HS3ST4: variants seen among roughly 807,000 people sequenced by gnomAD.
HS3ST4 encodes heparan sulfate glucosamine 3-O-sulfotransferase 4.
HS3ST4 carries 17 observed loss-of-function variants against 29.2 expected under a neutral mutation model. The ratio of observed to expected loss-of-function variants is 0.58; its 90% CI spans 0.40 to 0.87. HS3ST4 has a LOEUF of 0.87. Among genes scored for constraint, HS3ST4 ranks in the 40% least tolerant of loss-of-function variants. HS3ST4 has a pLI of 0.00. For synonymous variants in HS3ST4, 314 were observed against 285.7 expected, an observed-to-expected ratio of 1.10 and a Z score of -1.00; for missense variants, 627 against 634.5, an observed-to-expected ratio of 0.99 and a Z score of 0.13.
chr16:25,742,534 A>G (rs995769710), intron 1 of HS3ST4, among the ~76,000 whole-genome samples: 1 of 152,230 alleles, frequency 6.6e-6, no homozygotes, highest in African/African-American at 2.4e-5. Flanking sequence ...GGTAAACATG[A>G]CAGAGAAGCA....
chr16:26,015,955 T>A (rs1421212457), intron 1 of HS3ST4, among the ~76,000 whole-genome samples: 1 of 152,128 alleles, frequency 6.6e-6, no homozygotes, highest in Non-Finnish European at 1.5e-5. Flanking sequence ...TGGGGTGTGC[T>A]ACTGAAATCT....
At chr16:25,800,031 CTCCTTCCT>C (rs10559837) in intron 1 of HS3ST4, among the ~76,000 whole-genome samples, 3 of 149,572 alleles carry the variant, frequency 2.0e-5, no homozygotes, top group East Asian at 2.0e-4. Flanking sequence ...TTCTCTCCCT[CTCCTTCCT>C]TCCTTCCTTC....
chr16:25,979,072 T>C (rs1252711180), intron 1 of HS3ST4, among the ~76,000 whole-genome samples: 1 of 151,982 alleles, frequency 6.6e-6, no homozygotes, highest in Non-Finnish European at 1.5e-5. Context: ...TAATTTTGTA[T>C]TTTCAGTAGA....
In HS3ST4 at chr16:25,925,596, G is replaced by A. The variant is rs78786153; in HGVS notation, c.735-210016G>A. Among the ~76,000 whole-genome samples, 4,029 of 152,274 alleles carry A rather than the reference G, an allele frequency of 0.026. 278 individuals carry two copies. The East Asian group carries it at 0.29, about 11-fold the overall frequency. On this transcript the variant is annotated intron_variant, in intron 1 of 1. Transcript: ENST00000331351. ...AGCAAAGAAGCTGCAAATCCCCTAA[G>A]TGCCAGTGACGGGGAGGCTTTGACT...
intron 1 of HS3ST4, among the ~76,000 whole-genome samples, chr16:25,699,702 C>T (rs1381266239): frequency 6.6e-6 from 1 of 152,208 alleles, no homozygotes; most frequent in Non-Finnish European, 1.5e-5. Flanking sequence ...GTATTAGACT[C>T]TTCAGAAAGA....
chr16:26,013,075 A>G (rs535238741), intron 1 of HS3ST4, among the ~76,000 whole-genome samples: 2 of 152,190 alleles, frequency 1.3e-5, no homozygotes, highest in South Asian at 4.1e-4. Flanking sequence ...AGGCAAGAGA[A>G]TCGCTTGAAC....
intron 1 of HS3ST4, among the ~76,000 whole-genome samples, chr16:26,111,600 A>G (rs1476860154): frequency 1.3e-5 from 2 of 152,184 alleles, no homozygotes; most frequent in Non-Finnish European, 2.9e-5. Context: ...GGCCACAGGG[A>G]ACTTTTCCAT....
At chr16:25,967,989 A>G (rs1968860215) in intron 1 of HS3ST4, among the ~76,000 whole-genome samples, 1 of 152,222 alleles carries the variant, frequency 6.6e-6, no homozygotes, top group Admixed American at 6.5e-5. Context: ...CTCAGAAATC[A>G]TCCCAATGAT....
At chr16:25,831,871 C>G (rs4360942) in intron 1 of HS3ST4, among the ~76,000 whole-genome samples, 1,757 of 152,148 alleles carry the variant, frequency 0.012, 41 homozygotes, top group African/African-American at 0.04. Context: ...TTTGAGAGGT[C>G]AAGGCAGGAG....
intron 1 of HS3ST4, among the ~76,000 whole-genome samples, chr16:25,972,368 G>A (rs1331469354): frequency 6.6e-6 from 1 of 152,202 alleles, no homozygotes; most frequent in Non-Finnish European, 1.5e-5. Flanking sequence ...GGCACTACTT[G>A]TAGGCCTCCC....
intron 1 of HS3ST4, among the ~76,000 whole-genome samples, chr16:25,879,960 G>C (rs1161951713): frequency 6.6e-6 from 1 of 151,954 alleles, no homozygotes; most frequent in Admixed American, 6.6e-5. Flanking sequence ...TCACTACCAC[G>C]AGAACAGTAT....
chr16:25,869,174 C>T (rs1474784526), intron 1 of HS3ST4, among the ~76,000 whole-genome samples: 1 of 152,036 alleles, frequency 6.6e-6, no homozygotes, highest in Non-Finnish European at 1.5e-5. Flanking sequence ...GGTTGGCATC[C>T]AAGTCATAGC....
chr16:25,724,704 G>A (rs1352944159), intron 1 of HS3ST4, among the ~76,000 whole-genome samples: 2 of 151,988 alleles, frequency 1.3e-5, no homozygotes, highest in Non-Finnish European at 1.5e-5. Flanking sequence ...GTCTAACAGC[G>A]AAGTCATCAC....
At chr16:25,995,583 A>G (rs1032678547) in intron 1 of HS3ST4, among the ~76,000 whole-genome samples, 1 of 152,202 alleles carries the variant, frequency 6.6e-6, no homozygotes, top group African/African-American at 2.4e-5. Flanking sequence ...GAGATGAAAC[A>G]GTGATTGGTT....
chr16:26,125,779 A>G lies in HS3ST4; in HGVS notation c.735-9833A>G, dbSNP rs1488439037. Among the ~76,000 whole-genome samples, 6 of 152,160 alleles carry G rather than the reference A, an allele frequency of 3.9e-5. No individual in the cohort carries two copies. In the South Asian group the frequency reaches 8.3e-4, roughly 21 times the overall value. On this transcript the variant is annotated intron_variant, in intron 1 of 1. Coordinates refer to ENST00000331351, the MANE Select transcript of HS3ST4 (RefSeq NM_006040.3). Reference sequence around the variant, plus strand: ...CTGGCTGGGGACAGAAATAGGGCCCAAGGCTTGAGCACTCACAGGCATCCT... The same window carrying G: ...CTGGCTGGGGACAGAAATAGGGCCCGAGGCTTGAGCACTCACAGGCATCCT...
At chr16:26,098,612 A>C (rs1450065625) in intron 1 of HS3ST4, among the ~76,000 whole-genome samples, 1 of 152,130 alleles carries the variant, frequency 6.6e-6, no homozygotes, top group African/African-American at 2.4e-5. Context: ...GAGGGATGGC[A>C]TTATGAAAAA....
chr16:25,765,748 C>A (rs1966814345), intron 1 of HS3ST4, among the ~76,000 whole-genome samples: 1 of 152,178 alleles, frequency 6.6e-6, no homozygotes, highest in Admixed American at 6.5e-5. Flanking sequence ...CAACAAACCT[C>A]ATGTAATTGT....
At chr16:25,850,696 A>G (rs777220410) in intron 1 of HS3ST4, among the ~76,000 whole-genome samples, 2 of 152,212 alleles carry the variant, frequency 1.3e-5, no homozygotes, top group Non-Finnish European at 2.9e-5. Context: ...GGGGTCTCCA[A>G]GGTTATTCCT....
intron 1 of HS3ST4, among the ~76,000 whole-genome samples, chr16:25,977,641 A>T (rs568980336): frequency 6.6e-6 from 1 of 152,350 alleles, no homozygotes; most frequent in African/African-American, 2.4e-5. Flanking sequence ...CTGTTCCCAA[A>T]CATAACACTA....
Sources: gnomAD v4.1 joint callset for allele counts (sites outside exome capture counted in the v4.1 genomes callset) on GRCh38, gnomAD v4.1.1 for gene constraint, MANE v1.5 for transcripts, NCBI Gene and HGNC (gene_info 2026-07-23, HGNC 2026-07-21) for gene names.